Variants in PDS5B observed in about 807,000 individuals in gnomAD.
PDS5B encodes the protein PDS5 cohesin associated factor B, also known as sister chromatid cohesion protein PDS5 homolog B.
A neutral mutation model predicts 184.1 loss-of-function variants in PDS5B; 51 were observed. The ratio of observed to expected loss-of-function variants is 0.28; its 90% CI spans 0.22 to 0.35. The LOEUF (loss-of-function observed/expected upper bound fraction) is 0.35, where lower values mean the gene tolerates loss of function less well. Among genes scored for constraint, PDS5B ranks in the 10% least tolerant of loss-of-function variants. PDS5B has a pLI of 1.00. For missense variants in PDS5B, 1,180 were observed against 1,723.3 expected, an observed-to-expected ratio of 0.68 and a Z score of 5.58; for synonymous variants, 566 against 569.2, an observed-to-expected ratio of 0.99 and a Z score of 0.08.
intron 31 of PDS5B, among the ~76,000 whole-genome samples, chr13:32,766,156 C>CAG (rs1409918526): frequency 6.6e-6 from 1 of 152,192 alleles, no homozygotes; most frequent in Non-Finnish European, 1.5e-5. Context: ...ATGCTTTAAG[C>CAG]AGAGAGCTCA....
intron 13 of PDS5B, chr13:32,690,951 G>A (rs1951530506): frequency 6.6e-6 from 1 of 151,810 alleles, no homozygotes; most frequent in Non-Finnish European, 1.5e-5. Flanking sequence ...ATACTTACCA[G>A]TATTTTAGTA....
intron 24 of PDS5B, among the ~76,000 whole-genome samples, chr13:32,748,285 T>G (rs1953834349): frequency 6.6e-6 from 1 of 152,174 alleles, no homozygotes. Context: ...CTGTTCATAT[T>G]TTGTCATTTG....
At chr13:32,720,005 C>T (rs1282203803) in intron 19 of PDS5B, among the ~76,000 whole-genome samples, 4 of 152,054 alleles carry the variant, frequency 2.6e-5, no homozygotes, top group South Asian at 2.1e-4. Flanking sequence ...GCCATGTGGG[C>T]GGGGCTGGTC....
chr13:32,733,073 C>A (rs9596164), intron 20 of PDS5B, among the ~76,000 whole-genome samples: 136 of 152,080 alleles, frequency 8.9e-4, no homozygotes, highest in African/African-American at 3.1e-3. Context: ...TTGGGGATGG[C>A]GGTATTTTCT....
chr13:32,664,392 T>G (rs891195300), intron 6 of PDS5B, among the ~76,000 whole-genome samples: 1 of 152,198 alleles, frequency 6.6e-6, no homozygotes, highest in Non-Finnish European at 1.5e-5. Context: ...AACAAAGATG[T>G]GAGGTACTTA....
At position 32,665,610 on chromosome 13, in the gene PDS5B, A is replaced by G. The variant is rs1006811941; in HGVS notation, c.625-2154A>G. On this transcript the variant is annotated intron_variant, in intron 6 of 34. Transcript: ENST00000315596. Reference sequence around the variant, plus strand: ...ACTCAAAAAAAAAAAAAAAAAAAAAAAAAAGAAAATAAACATCTTTACAAC... The same window carrying G: ...ACTCAAAAAAAAAAAAAAAAAAAAAGAAAAGAAAATAAACATCTTTACAAC... 1.4e-4 allele frequency among the ~76,000 whole-genome samples: 21 copies of G among 150,630 alleles called. No homozygotes were observed. In the South Asian group the frequency reaches 1.5e-3, roughly 10 times the overall value.
chr13:32,696,513 A>G (rs1464941117), intron 14 of PDS5B, among the ~76,000 whole-genome samples: 1 of 151,916 alleles, frequency 6.6e-6, no homozygotes, highest in Non-Finnish European at 1.5e-5. Context: ...TCTCAGGTCT[A>G]AACATTGTAG....
At chr13:32,701,635 T>C (rs1037915682) in intron 17 of PDS5B, among the ~76,000 whole-genome samples, 197 bp downstream of exon 17, 13 of 145,326 alleles carry the variant, frequency 8.9e-5, no homozygotes, top group Admixed American at 1.4e-4. Context: ...TATATATATA[T>C]ACACTCATCT....
Position 32,711,856 on chromosome 13 carries a change from T to C in PDS5B, c.2123+1750T>C, listed in dbSNP as rs559843714. Among the ~76,000 whole-genome samples the C allele has an allele frequency of 5.3e-5, 8 of 152,356 alleles. No homozygotes were observed. The South Asian group carries it at 1.2e-3, about 24-fold the overall frequency. On this transcript the variant is annotated intron_variant, in intron 19 of 34. Coordinates refer to ENST00000315596, the MANE Select transcript of PDS5B (RefSeq NM_015032.4). The stretch of plus-strand genomic sequence containing the variant: ...CTGTATATAACAGTATACCATTTGC[T>C]GAATGCCCACTTACTATACTGTCTC...
chr13:32,645,165 T>C (rs959118420), intron 1 of PDS5B, among the ~76,000 whole-genome samples: 6 of 152,170 alleles, frequency 3.9e-5, no homozygotes, highest in African/African-American at 1.2e-4. Flanking sequence ...AATTTTTTTG[T>C]AGGGGCAAGA....
chr13:32,768,793 AAAAAAAAAAAAAAG>A (rs1954671642), intron 31 of PDS5B, among the ~76,000 whole-genome samples: 4 of 84,014 alleles, frequency 4.8e-5, no homozygotes, highest in East Asian at 5.1e-4. Context: ...ACTCTGTCTC[AAAAAAAAAAAAAAG>A]AAAAAAAAAA....
intron 34 of PDS5B, 146 bp from the exon 35 acceptor site, chr13:32,774,871 C>A: frequency 1.3e-6 from 1 of 757,002 alleles, no homozygotes; most frequent in Non-Finnish European, 2.2e-6. Flanking sequence ...GATGCCAGGG[C>A]AGAAAGTAAG....
intron 1 of PDS5B, among the ~76,000 whole-genome samples, chr13:32,622,920 G>A (rs956343705): frequency 2.6e-5 from 4 of 152,160 alleles, no homozygotes; most frequent in East Asian, 3.8e-4. Context: ...GAGTTTAGTC[G>A]CAGGGCAGCT....
chr13:32,610,835 T>C (rs1472650702), intron 1 of PDS5B, among the ~76,000 whole-genome samples: 1 of 152,148 alleles, frequency 6.6e-6, no homozygotes, highest in Non-Finnish European at 1.5e-5. Flanking sequence ...AATTAATACG[T>C]ATTAAGTGGT....
At chr13:32,598,019 AAAG>A (rs897769699) in intron 1 of PDS5B, among the ~76,000 whole-genome samples, 1 of 152,056 alleles carries the variant, frequency 6.6e-6, no homozygotes, top group Admixed American at 6.5e-5. Flanking sequence ...AGATTAAAAA[AAAG>A]AAAATCAGAC....
chr13:32,667,642 C>A, intron 6 of PDS5B, 122 bp from the exon 7 acceptor site: 1 of 620,218 alleles, frequency 1.6e-6, no homozygotes, highest in Non-Finnish European at 2.7e-6. Flanking sequence ...TGCCTTCTCT[C>A]TTTTATTCCA....
At chr13:32,704,587 C>G (rs1951953363) in intron 17 of PDS5B, among the ~76,000 whole-genome samples, 1 of 152,194 alleles carries the variant, frequency 6.6e-6, no homozygotes, top group African/African-American at 2.4e-5. Context: ...AAAATTGATT[C>G]TCATTTGATT....
At chr13:32,728,895 T>A (rs1213079859) in intron 19 of PDS5B, among the ~76,000 whole-genome samples, 2 of 152,074 alleles carry the variant, frequency 1.3e-5, no homozygotes, top group Non-Finnish European at 2.9e-5. Flanking sequence ...AGGTAAACAG[T>A]TTTTCATGCA....
chr13:32,618,736 AG>A (rs2058254141), intron 1 of PDS5B, among the ~76,000 whole-genome samples: 1 of 152,190 alleles, frequency 6.6e-6, no homozygotes, highest in South Asian at 2.1e-4. Context: ...CTTTTGTTTA[AG>A]AAGTCATCTC....
Sources: allele counts gnomAD v4.1 joint callset (sites outside exome capture counted in the v4.1 genomes callset), GRCh38; gene constraint gnomAD v4.1.1; transcripts MANE v1.5; gene names NCBI Gene and HGNC (gene_info 2026-07-23, HGNC 2026-07-21).